The following ESRRG variants were observed in gnomAD, a reference collection of about 807,000 sequenced individuals.
ESRRG encodes the protein estrogen-related receptor gamma.
Under a neutral mutation model 44.0 loss-of-function variants are expected in ESRRG, and 13 were observed. The ratio of observed to expected loss-of-function variants is 0.30; its 90% CI spans 0.19 to 0.47. The LOEUF is 0.47. ESRRG is among the 20% of genes least tolerant of loss of function. The pLI is 1.00. For synonymous variants in ESRRG, 215 were observed against 214.6 expected, an observed-to-expected ratio of 1.00 and a Z score of -0.02; for missense variants, 395 against 580.6, an observed-to-expected ratio of 0.68 and a Z score of 3.29.
At chr1:216,533,123 A>G (rs920855486) in intron 5 of ESRRG, among the ~76,000 whole-genome samples, 3 of 152,272 alleles carry the variant, frequency 2.0e-5, no homozygotes, top group Admixed American at 1.3e-4. Flanking sequence ...AGGATGGGTT[A>G]TAATTTGTAT....
rs183578646 is a variant in ESRRG, at chr1:217,077,196, A to G, written c.-106+12311T>C. On this transcript the variant is annotated intron_variant, in intron 1 of 7. Coordinates refer to the ESRRG transcript ENST00000359162. ...ACCCGTTTTTACATTCACTAGTTAA[A>G]TGGAATGCAGCTCTGCTGTGGGTTT... is the stretch of plus-strand genomic sequence containing the variant. 3.4e-3 allele frequency among the ~76,000 whole-genome samples: 522 copies of G among 152,328 alleles called. 3 individuals are homozygous for G. The highest frequency in any genetic ancestry group is 0.012 in the African/African-American group (494 of 41,572).
rs539201589 is a variant in ESRRG at position 216,848,956 on chromosome 1, C to A, written c.-14+90626G>T. On this transcript the variant is annotated intron_variant, in intron 2 of 7. Coordinates refer to the ESRRG transcript ENST00000359162. ...AATATCTTGTATTTTTTCCTCCTGG[C>A]GTATTTTATGAGGACGAAATGCCTT... Among the ~76,000 whole-genome samples, 48 of 151,982 alleles carry A rather than the reference C, an allele frequency of 3.2e-4. 1 individual carries two copies. The South Asian group carries it at 6.9e-3, about 22-fold the overall frequency.
At chr1:216,513,635 G>A (rs1434060901) in intron 6 of ESRRG, among the ~76,000 whole-genome samples, 5 of 152,044 alleles carry the variant, frequency 3.3e-5, no homozygotes, top group Non-Finnish European at 7.4e-5. Flanking sequence ...CATGGTCGTG[G>A]TTGTAGTTTC....
chr1:216,763,988 G>A (rs188659777), intron 2 of ESRRG, among the ~76,000 whole-genome samples: 1 of 152,216 alleles, frequency 6.6e-6, no homozygotes, highest in East Asian at 1.9e-4. Context: ...ATTCAGGACA[G>A]ATTGAAATAA....
intron 5 of ESRRG, among the ~76,000 whole-genome samples, chr1:216,547,586 T>TG (rs2054948220): frequency 1.3e-5 from 2 of 152,088 alleles, no homozygotes; most frequent in Non-Finnish European, 2.9e-5. Flanking sequence ...AGCGTGTGTG[T>TG]TAATACATTT....
At chr1:217,007,924 G>A (rs1436518331) in intron 1 of ESRRG, among the ~76,000 whole-genome samples, 3 of 152,172 alleles carry the variant, frequency 2.0e-5, no homozygotes, top group Non-Finnish European at 4.4e-5. Context: ...ATGAGTCCAA[G>A]AGAAGAGCCA....
At position 216,753,131 on chromosome 1, in the gene ESRRG, G is replaced by A. The variant is rs117109297; in HGVS notation, c.-13-75640C>T. Among the ~76,000 whole-genome samples the A allele has an allele frequency of 6.2e-4, 93 of 150,598 alleles. No individual in the cohort carries two copies. In the East Asian group the frequency reaches 0.014, roughly 22 times the overall value. Reference sequence around the variant, plus strand: ...CTATAAGCATTACCAATTAACATGGGCAAATGATAACCAAAGGCAAAGGAC... The same window carrying A: ...CTATAAGCATTACCAATTAACATGGACAAATGATAACCAAAGGCAAAGGAC... On this transcript the variant is annotated intron_variant, in intron 2 of 7. Coordinates refer to the ESRRG transcript ENST00000359162.
intron 1 of ESRRG, among the ~76,000 whole-genome samples, chr1:217,083,914 T>C (rs1263691015): frequency 2.6e-5 from 4 of 152,190 alleles, no homozygotes; most frequent in African/African-American, 9.7e-5. Flanking sequence ...TGATTTATGT[T>C]TGAAAACATA....
rs562113423 is a variant in ESRRG at position 216,771,150 on chromosome 1, T to C, written c.-13-93659A>G. Among the ~76,000 whole-genome samples the C allele has an allele frequency of 2.0e-5, 3 of 152,182 alleles. No individual in the cohort carries two copies. The South Asian group carries it at 6.2e-4, about 32-fold the overall frequency. On this transcript the variant is annotated intron_variant, in intron 2 of 7. Coordinates refer to the ESRRG transcript ENST00000359162. ...TTCAATTCCACTTTTTAACAAATAATCTCAAAGGCACATTTCTTTGCCAAA... is the reference window on the plus strand; with the variant it reads ...TTCAATTCCACTTTTTAACAAATAACCTCAAAGGCACATTTCTTTGCCAAA...
intron 2 of ESRRG, among the ~76,000 whole-genome samples, chr1:216,835,585 A>T (rs906727586): frequency 6.6e-6 from 1 of 152,200 alleles, no homozygotes; most frequent in Non-Finnish European, 1.5e-5. Flanking sequence ...TTCTCAGGCC[A>T]TATTTAGTTC....
intron 5 of ESRRG, among the ~76,000 whole-genome samples, chr1:216,549,814 G>A (rs1053919900): frequency 1.3e-5 from 2 of 152,034 alleles, no homozygotes; most frequent in South Asian, 2.1e-4. Flanking sequence ...ACATGAGGAT[G>A]GCATAAATCA....
chr1:216,764,966 C>T (rs116460790), intron 2 of ESRRG, among the ~76,000 whole-genome samples: 1,633 of 152,054 alleles, frequency 0.011, 14 homozygotes, highest in Middle Eastern at 0.027. Context: ...TTCAGGGAAG[C>T]GGTGACACTC....
intron 1 of ESRRG, chr1:217,076,770 T>C (rs1255150599): frequency 6.6e-6 from 1 of 152,224 alleles, no homozygotes; most frequent in African/African-American, 2.4e-5. Flanking sequence ...TGAGAACTTC[T>C]AGTACGCAAT....
intron 2 of ESRRG, among the ~76,000 whole-genome samples, chr1:216,909,630 C>T (rs2060085207): frequency 6.6e-6 from 1 of 152,056 alleles, no homozygotes; most frequent in Non-Finnish European, 1.5e-5. Context: ...AGTGATCTAC[C>T]CACCTCAGCC....
intron 2 of ESRRG, among the ~76,000 whole-genome samples, chr1:216,737,234 G>A (rs770085489): frequency 1.3e-5 from 2 of 152,118 alleles, no homozygotes; most frequent in South Asian, 2.1e-4. Flanking sequence ...CTTAAAATTG[G>A]TGGAGACAGA....
chr1:216,602,555 G>A (rs1009371669), intron 3 of ESRRG, among the ~76,000 whole-genome samples: 2 of 152,064 alleles, frequency 1.3e-5, no homozygotes, highest in African/African-American at 4.8e-5. Context: ...GGAACACTTT[G>A]GCCATTTTAA....
intron 5 of ESRRG, among the ~76,000 whole-genome samples, chr1:216,541,606 G>GTGTGTGTGAGATCAGC (rs2052783800): frequency 7.7e-6 from 1 of 130,550 alleles, no homozygotes; most frequent in Non-Finnish European, 1.6e-5. Context: ...GTGTGTGTGT[G>GTGTGTGTGAGATCAGC]TATGTGATCA....
intron 3 of ESRRG, among the ~76,000 whole-genome samples, chr1:216,637,052 T>C (rs1425620533): frequency 1.3e-5 from 2 of 152,174 alleles, no homozygotes; most frequent in Non-Finnish European, 2.9e-5. Context: ...CATTTGTTCA[T>C]GGACCACAAA....
At chr1:216,629,204 T>C (rs976089740) in intron 3 of ESRRG, among the ~76,000 whole-genome samples, 1 of 152,164 alleles carries the variant, frequency 6.6e-6, no homozygotes, top group Non-Finnish European at 1.5e-5. Flanking sequence ...GGTCAATATA[T>C]CTTTGCTAAA....
Sources: allele counts gnomAD v4.1 joint callset (sites outside exome capture counted in the v4.1 genomes callset), GRCh38; gene constraint gnomAD v4.1.1; transcripts MANE v1.5; gene names NCBI Gene and HGNC (gene_info 2026-07-23, HGNC 2026-07-21).